Variants in SHANK2 observed in about 807,000 individuals in gnomAD.
SHANK2 encodes SH3 and multiple ankyrin repeat domains 2.
A neutral mutation model predicts 133.7 loss-of-function variants in SHANK2; 43 were observed. The ratio of observed to expected loss-of-function variants is 0.32; its 90% CI spans 0.25 to 0.41. The LOEUF (loss-of-function observed/expected upper bound fraction) is 0.41, where lower values mean the gene tolerates loss of function less well. Ranked by LOEUF, SHANK2 falls within the 10% of genes least tolerant of loss-of-function variation. SHANK2 has a pLI of 1.00. For synonymous variants in SHANK2, 1,017 were observed against 952.8 expected (o/e 1.07, Z -1.24); for missense variants, 1,994 against 2,235.8 (o/e 0.89, Z 2.18).
intron 11 of SHANK2, among the ~76,000 whole-genome samples, chr11:70,850,088 C>A (rs549938682): frequency 1.9e-4 from 29 of 152,262 alleles, no homozygotes; most frequent in Admixed American, 1.4e-3. Context: ...ATGAGTAGAC[C>A]AGTACAGGAT....
intron 9 of SHANK2, among the ~76,000 whole-genome samples, chr11:71,061,887 G>C (rs985352216): frequency 6.6e-6 from 1 of 151,658 alleles, no homozygotes; most frequent in Non-Finnish European, 1.5e-5. Flanking sequence ...GACTTGCCCT[G>C]TGTCCTGATC....
At chr11:70,531,833 C>G (rs2059477888) in intron 17 of SHANK2, among the ~76,000 whole-genome samples, 2 of 152,124 alleles carry the variant, frequency 1.3e-5, no homozygotes, top group African/African-American at 4.8e-5. Context: ...GGGGTCCTTG[C>G]AGCTCCACTT....
At chr11:71,113,192 G>A (rs1951918120) in intron 5 of SHANK2, 101 bp downstream of exon 5, 1 of 1,035,470 alleles carries the variant, frequency 9.7e-7, no homozygotes, top group Admixed American at 2.1e-5. Context: ...CAGGTACACA[G>A]CAGGTGCCCC....
At chr11:71,243,488 A>C (rs1377683223) in intron 1 of SHANK2, among the ~76,000 whole-genome samples, 2 of 152,118 alleles carry the variant, frequency 1.3e-5, no homozygotes, top group African/African-American at 4.8e-5. Context: ...AGGTCAGGAG[A>C]TCAAGACCAT....
chr11:71,082,955 A>G (rs2136009610), intron 8 of SHANK2, among the ~76,000 whole-genome samples: 1 of 73,962 alleles, frequency 1.4e-5, no homozygotes, highest in Admixed American at 1.4e-4. Context: ...CCCCCCCCCA[A>G]CCCTTCTGAA....
At chr11:70,713,984 C>T (rs567731661) in intron 14 of SHANK2, among the ~76,000 whole-genome samples, 135 of 152,324 alleles carry the variant, frequency 8.9e-4, no homozygotes, top group Middle Eastern at 3.4e-3. Flanking sequence ...ACTGCTTTGG[C>T]TCACTCAACA....
intron 17 of SHANK2, among the ~76,000 whole-genome samples, chr11:70,522,630 G>T (rs1292167191): frequency 1.3e-5 from 2 of 152,230 alleles, no homozygotes; most frequent in Non-Finnish European, 2.9e-5. Flanking sequence ...GAAAGCCCAG[G>T]CCCCTTACCC....
At chr11:71,209,186 G>A (rs1214377646) in intron 2 of SHANK2, among the ~76,000 whole-genome samples, 4 of 152,212 alleles carry the variant, frequency 2.6e-5, no homozygotes, top group African/African-American at 9.7e-5. Context: ...GAAGCAGGAG[G>A]CTCCTCCAGC....
chr11:70,600,613 C>T (rs79573722), intron 17 of SHANK2, among the ~76,000 whole-genome samples: 3,831 of 152,094 alleles, frequency 0.025, 175 homozygotes, highest in African/African-American at 0.088. Context: ...AATGGACCAA[C>T]GGACAGCCAC....
At chr11:70,924,345 C>T (rs1565408562) in intron 10 of SHANK2, among the ~76,000 whole-genome samples, 1 of 360 alleles carries the variant, frequency 2.8e-3, no homozygotes, top group East Asian at 0.5. Context: ...ACACGCTGCT[C>T]CTAGGATCTC....
At chr11:71,168,484 T>C (rs1339132445) in intron 2 of SHANK2, among the ~76,000 whole-genome samples, 1 of 149,472 alleles carries the variant, frequency 6.7e-6, no homozygotes, top group Non-Finnish European at 1.5e-5. Context: ...TGCTGGGAGG[T>C]GAAGGTTGTA....
chr11:71,175,547 AGAGG>A lies in SHANK2; in HGVS notation c.-12-28213_-12-28210del, dbSNP rs199963480. Among the ~76,000 whole-genome samples the A allele has an allele frequency of 0.041, 672 of 16,388 alleles. 4 individuals are homozygous for A. Among genetic ancestry groups the A allele is most frequent in the East Asian group, 0.18 (30 of 168 alleles). 10.8% of individuals were successfully genotyped at this position (16,388 alleles called of 152,430 possible). The stretch of plus-strand genomic sequence containing the variant: ...CAGACAGACAGACAGAGGGAGAGGG[AGAGG>A]GAGAGAGAGAGAGAGAGAGAGAGAG... On this transcript the variant is annotated intron_variant, in intron 2 of 25. Transcript: ENST00000601538. This position sits in a 1 kb window ranked among gnomAD's most constrained non-coding sequence, Gnocchi z 4.2.
In SHANK2 at chr11:70,942,464, C is replaced by A. The variant is rs1555084546; in HGVS notation, c.1108-45897G>T. ...CTCACTCACTACTAGAGAACACCACCAAGCTATTCATGAGGGATCTGCCCC... is the reference window on the plus strand; with the variant it reads ...CTCACTCACTACTAGAGAACACCACAAAGCTATTCATGAGGGATCTGCCCC... On this transcript the variant is annotated intron_variant, in intron 10 of 25. Coordinates refer to ENST00000601538, the MANE Select transcript of SHANK2 (RefSeq NM_012309.5). 6.7e-6 allele frequency: 3 copies of A among 444,552 alleles called. No individual in the cohort carries two copies. The East Asian group carries it at 2.1e-4, about 31-fold the overall frequency. 27.5% of individuals were successfully genotyped at this position (444,552 alleles called of 1,614,324 possible).
chr11:70,711,455 T>G (rs1222714512), intron 14 of SHANK2, among the ~76,000 whole-genome samples: 1 of 152,256 alleles, frequency 6.6e-6, no homozygotes, highest in Non-Finnish European at 1.5e-5. Context: ...CTGATGGGGA[T>G]GAAAGACCGA....
chr11:70,673,383 G>A (rs1477762258), intron 15 of SHANK2, among the ~76,000 whole-genome samples: 4 of 151,974 alleles, frequency 2.6e-5, no homozygotes, highest in Non-Finnish European at 5.9e-5. Flanking sequence ...TCCTTCATTC[G>A]TTAATTAAAA....
chr11:70,901,135 G>A (rs896431485), intron 10 of SHANK2, among the ~76,000 whole-genome samples: 6 of 152,164 alleles, frequency 3.9e-5, no homozygotes, highest in Non-Finnish European at 7.3e-5. Flanking sequence ...GGCACAGAGC[G>A]ATAAGGAACG....
At chr11:70,762,087 C>T (rs1404730760) in intron 14 of SHANK2, among the ~76,000 whole-genome samples, 1 of 152,190 alleles carries the variant, frequency 6.6e-6, no homozygotes, top group East Asian at 1.9e-4. Flanking sequence ...ATTCAGAGAA[C>T]CCCTGACTTC....
At chr11:70,777,739 C>T (rs1462286893) in intron 14 of SHANK2, among the ~76,000 whole-genome samples, 1 of 152,232 alleles carries the variant, frequency 6.6e-6, no homozygotes, top group Non-Finnish European at 1.5e-5. Flanking sequence ...GTCCTCTTGG[C>T]TTGCACCATT....
At chr11:70,844,395 C>A (rs191205762) in intron 11 of SHANK2, among the ~76,000 whole-genome samples, 102 of 152,330 alleles carry the variant, frequency 6.7e-4, no homozygotes, top group African/African-American at 2.3e-3. Context: ...TAAATCCTTA[C>A]TCCAGCCTTC....
Sources: gnomAD v4.1 joint callset for allele counts (sites outside exome capture counted in the v4.1 genomes callset) on GRCh38, gnomAD v4.1.1 for gene constraint, Gnocchi (gnomAD v3.1) non-coding constraint, MANE v1.5 for transcripts, NCBI Gene and HGNC (gene_info 2026-07-23, HGNC 2026-07-21) for gene names.